The following TUNAR variants were observed in gnomAD, a reference collection of about 807,000 sequenced individuals.
The protein encoded by TUNAR is protein TUNAR.
chr14:95,886,773 C>T (rs767572752), intron 2 of TUNAR, among the ~76,000 whole-genome samples: 1 of 152,178 alleles, frequency 6.6e-6, no homozygotes, highest in Non-Finnish European at 1.5e-5. Flanking sequence ...ATCCCTGAGG[C>T]CGGCCAATGC....
rs997274217 is a variant in TUNAR, at chr14:95,895,632, C to G, written c.12+18455C>G. On this transcript the variant is annotated intron_variant, in intron 2 of 2. Coordinates refer to ENST00000678517, the Ensembl canonical transcript of TUNAR. The surrounding 1 kb of genome is among the most constrained non-coding windows in gnomAD (Gnocchi z 4.5). ...ATTTTACCAATGATTTAAAGCCCTT[C>G]CAAGGGCTTCCAGGGTCTCTGATCT... Among the ~76,000 whole-genome samples, 1 of 152,164 alleles carries G rather than the reference C, an allele frequency of 6.6e-6. No individual in the cohort carries two copies. The highest frequency in any genetic ancestry group is 1.5e-5 in the Non-Finnish European group (1 of 68,004).
intron 2 of TUNAR, among the ~76,000 whole-genome samples, chr14:95,894,401 G>C (rs1595118498): frequency 6.6e-6 from 1 of 152,328 alleles, no homozygotes; most frequent in East Asian, 1.9e-4. Flanking sequence ...TTGGAGCCCA[G>C]TGGCTTTTGG....
At chr14:95,903,291 C>T (rs1889383886) in intron 2 of TUNAR, among the ~76,000 whole-genome samples, 1 of 152,198 alleles carries the variant, frequency 6.6e-6, no homozygotes, top group African/African-American at 2.4e-5. Flanking sequence ...ACATAAAGTG[C>T]TTAGAACATT....
At chr14:95,916,380 T>C (rs563616244) in intron 2 of TUNAR, among the ~76,000 whole-genome samples, 1 of 152,346 alleles carries the variant, frequency 6.6e-6, no homozygotes, top group African/African-American at 2.4e-5. Flanking sequence ...GAACATCCTT[T>C]CTGTGGTCTT....
chr14:95,925,189 GA>G, exon 3 of TUNAR: 1 of 152,314 alleles, frequency 6.6e-6, no homozygotes, highest in Non-Finnish European at 1.5e-5. Flanking sequence ...GTAGAAGAAG[GA>G]AAAAGGGCTC....
intron 2 of TUNAR, among the ~76,000 whole-genome samples, chr14:95,906,298 A>T (rs1260777902): frequency 6.6e-6 from 1 of 152,112 alleles, no homozygotes; most frequent in Non-Finnish European, 1.5e-5. Context: ...ATGCGTGCAC[A>T]CTCATCTGTA....
At chr14:95,923,915 G>A (rs190329305) in exon 3 of TUNAR, 5 of 152,282 alleles carry the variant, frequency 3.3e-5, no homozygotes, top group Admixed American at 3.3e-4. Flanking sequence ...GCATGAATAA[G>A]GGCTGAGTGA....
chr14:95,899,348 T>C (rs528051446), intron 2 of TUNAR, among the ~76,000 whole-genome samples: 3 of 152,136 alleles, frequency 2.0e-5, no homozygotes, highest in African/African-American at 4.8e-5. Flanking sequence ...AAGCTCAGAC[T>C]TCTCCCTCTC....
At chr14:95,917,333 A>G (rs936594443) in intron 2 of TUNAR, among the ~76,000 whole-genome samples, 1 of 152,136 alleles carries the variant, frequency 6.6e-6, no homozygotes, top group Non-Finnish European at 1.5e-5. Flanking sequence ...AGCAGTGTCC[A>G]TGTGTGTGTA....
At chr14:95,916,427 A>G (rs1462171502) in intron 2 of TUNAR, among the ~76,000 whole-genome samples, 1 of 152,128 alleles carries the variant, frequency 6.6e-6, no homozygotes, top group East Asian at 1.9e-4. Context: ...TGTATTTGCA[A>G]TTCATCCATG....
At position 95,906,861 on chromosome 14, in the gene TUNAR, C is replaced by T. The variant is rs191518427; in HGVS notation, c.13-15920C>T. On this transcript the variant is annotated intron_variant, in intron 2 of 2. Transcript: ENST00000678517. ...AGAAGCATCACTTCCTCCCCATCCT[C>T]GCCATCGTGATCCTACCCCACTCTT... 2.5e-3 allele frequency among the ~76,000 whole-genome samples: 388 copies of T among 152,320 alleles called. 2 individuals carry two copies. The highest frequency in any genetic ancestry group is 8.8e-3 in the African/African-American group (364 of 41,582).
chr14:95,877,355 A>G (rs185410304), intron 2 of TUNAR, among the ~76,000 whole-genome samples, 178 bp downstream of exon 1: 1 of 152,234 alleles, frequency 6.6e-6, no homozygotes, highest in Non-Finnish European at 1.5e-5. Context: ...CTGCCCGGGC[A>G]GACCTGGTGC....
At chr14:95,893,643 A>G (rs995114851) in intron 2 of TUNAR, among the ~76,000 whole-genome samples, 2 of 152,074 alleles carry the variant, frequency 1.3e-5, no homozygotes, top group African/African-American at 4.8e-5. Context: ...ACAAAAATAG[A>G]CAAGACCCGT....
At chr14:95,917,784 T>C (rs1889629793) in intron 2 of TUNAR, among the ~76,000 whole-genome samples, 1 of 152,236 alleles carries the variant, frequency 6.6e-6, no homozygotes, top group Non-Finnish European at 1.5e-5. Context: ...TTTTTAAAAA[T>C]TAACATCTTG....
intron 2 of TUNAR, among the ~76,000 whole-genome samples, chr14:95,890,691 G>C (rs1033703558): frequency 1.3e-5 from 2 of 152,214 alleles, no homozygotes; most frequent in African/African-American, 4.8e-5. Context: ...TTGTTTAGTT[G>C]AGAAATTGGT....
At chr14:95,889,009 C>T (rs1052566368) in intron 2 of TUNAR, among the ~76,000 whole-genome samples, 3 of 152,192 alleles carry the variant, frequency 2.0e-5, no homozygotes, top group South Asian at 2.1e-4. Flanking sequence ...GAAACGGGAC[C>T]TCTGTAAGCA....
intron 2 of TUNAR, among the ~76,000 whole-genome samples, chr14:95,878,002 A>G (rs1372598684): frequency 6.6e-6 from 1 of 152,206 alleles, no homozygotes; most frequent in Non-Finnish European, 1.5e-5. Context: ...TCAGAACTGC[A>G]TCCTTAACCT....
At chr14:95,921,344 G>T (rs191069731) in intron 2 of TUNAR, among the ~76,000 whole-genome samples, 2 of 152,314 alleles carry the variant, frequency 1.3e-5, no homozygotes, top group Admixed American at 6.5e-5. Flanking sequence ...CAGCCCTCCA[G>T]TGGAAGAAAT....
intron 2 of TUNAR, among the ~76,000 whole-genome samples, chr14:95,889,454 C>T (rs1326644241): frequency 6.6e-6 from 1 of 151,390 alleles, no homozygotes; most frequent in Non-Finnish European, 1.5e-5. Flanking sequence ...CCCCTCACCC[C>T]CTCCTCTCCC....
Sources: gnomAD v4.1 joint callset for allele counts (sites outside exome capture counted in the v4.1 genomes callset) on GRCh38, gnomAD v4.1.1 for gene constraint, Gnocchi (gnomAD v3.1) non-coding constraint, MANE v1.5 for transcripts, NCBI Gene and HGNC (gene_info 2026-07-23, HGNC 2026-07-21) for gene names.